SETD5: variants seen among roughly 807,000 people sequenced by gnomAD.
The protein encoded by SETD5 is SET domain containing 5, also known as histone-lysine N-methyltransferase SETD5.
SETD5 carries 44 observed loss-of-function variants against 153.3 expected under a neutral mutation model. The observed-to-expected ratio is 0.29, with a 90% CI of 0.23 to 0.37. The LOEUF is 0.37. Among genes scored for constraint, SETD5 ranks in the 10% least tolerant of loss-of-function variants. The pLI, the probability that SETD5 is intolerant of heterozygous loss-of-function variation, is 1.00. For synonymous variants in SETD5, 716 were observed against 645.2 expected (o/e 1.11, Z -1.66); for missense variants, 1,544 against 1,768.0 (o/e 0.87, Z 2.27).
intron 10 of SETD5, 194 bp from the exon 11 acceptor site, chr3:9,443,110 AAAGT>A: frequency 2.1e-6 from 1 of 473,616 alleles, no homozygotes; most frequent in Non-Finnish European, 3.8e-6. Flanking sequence ...CATATTTAAG[AAAGT>A]ATTATAAATT....
At chr3:9,444,211 G>T (rs2041657975) in intron 11 of SETD5, among the ~76,000 whole-genome samples, 1 of 152,164 alleles carries the variant, frequency 6.6e-6, no homozygotes. Flanking sequence ...ACCATAAAGG[G>T]CAATTCATAG....
Position 9,470,694 on chromosome 3 carries a change from A to G in SETD5, c.2960A>G (p.Tyr987Cys), listed in dbSNP as rs749465001. The G allele has an allele frequency of 9.9e-6, 16 of 1,613,550 alleles. No homozygotes were observed. Among genetic ancestry groups the G allele is most frequent in the Non-Finnish European group, 5.9e-6 (7 of 1,179,840 alleles). The change falls in exon 19 of 23, where the codon TAC (tyrosine) becomes TGC (cysteine). Residue 987 changes from tyrosine (Y) to cysteine (C), a missense_variant. Transcript: ENST00000402198. ...ACAGAGTTCAACTTGATGTATGCCT[A>G]CTCCCCTTTGAATGCTATGCCTCGA... Reference protein sequence around the residue: ...FRTEFNLMYAYSPLNAMPRAD... With the variant: ...FRTEFNLMYACSPLNAMPRAD...
Position 9,433,965 on chromosome 3 carries a change from G to GT in SETD5, c.177+18dup. ...TGCCTTATGCTGTGAGTATGCATTT[G>GT]TTTCTCTCCAGAACAGTGATCTTCC... On this transcript the variant is annotated intron_variant, in intron 4 of 22. Coordinates refer to ENST00000402198, the MANE Select transcript of SETD5 (RefSeq NM_001080517.3). The GT allele has an allele frequency of 1.2e-6, 2 of 1,613,592 alleles. No individual in the cohort carries two copies. Among genetic ancestry groups the GT allele is most frequent in the Non-Finnish European group, 1.7e-6 (2 of 1,179,614 alleles).
At chr3:9,474,333 C>T in intron 20 of SETD5, 116 bp from the exon 21 acceptor site, 1 of 1,215,190 alleles carries the variant, frequency 8.2e-7, no homozygotes. Context: ...TAAATTGGTT[C>T]TGAAGAAAGT....
At chr3:9,429,399 G>C in intron 3 of SETD5, 1 of 173,586 alleles carries the variant, frequency 5.8e-6, no homozygotes, top group Non-Finnish European at 1.2e-5. Context: ...CTCTTCCTAT[G>C]TACTTCCCAT....
At chr3:9,444,235 A>AT (rs2041662268) in intron 11 of SETD5, among the ~76,000 whole-genome samples, 1 of 152,176 alleles carries the variant, frequency 6.6e-6, no homozygotes, top group South Asian at 2.1e-4. Flanking sequence ...AATATGTGGG[A>AT]TTTTTTAAAG....
chr3:9,470,989 G>T (rs1326380082), intron 19 of SETD5, 60 bp downstream of exon 19: 14 of 883,638 alleles, frequency 1.6e-5, no homozygotes, highest in Non-Finnish European at 2.2e-5. Flanking sequence ...TAGTTTAGTA[G>T]ATATTCATAA....
chr3:9,413,779 T>C (rs2036991526), intron 1 of SETD5, among the ~76,000 whole-genome samples: 1 of 151,872 alleles, frequency 6.6e-6, no homozygotes, highest in Non-Finnish European at 1.5e-5. Context: ...GTTTTTGTTT[T>C]GTTTTGTTTT....
intron 1 of SETD5, among the ~76,000 whole-genome samples, chr3:9,415,550 G>A (rs986853352): frequency 6.6e-6 from 1 of 152,068 alleles, no homozygotes; most frequent in African/African-American, 2.4e-5. Flanking sequence ...GTTTGAGTTG[G>A]TCGTTGTCTT....
chr3:9,448,420 AG>A lies in SETD5; in HGVS notation c.2137del (p.Glu713ArgfsTer24). 1 of 1,614,010 alleles carries A rather than the reference AG, an allele frequency of 6.2e-7. No homozygotes were observed. Among genetic ancestry groups the A allele is most frequent in the Non-Finnish European group, 8.5e-7 (1 of 1,179,878 alleles). On this transcript the variant is annotated frameshift_variant, in exon 16 of 23. Coordinates refer to ENST00000402198, the MANE Select transcript of SETD5 (RefSeq NM_001080517.3). LOFTEE classifies it high-confidence loss of function. ...TTACAGAATGGTTGAATGACAAAGC[AG>A]AGAAGCAAGAGTGCCCTGTTGAGTG... ...LVTEWLNDKA[E>X]KQECPVECPL...
At chr3:9,398,775 A>G (rs2034210753) in intron 1 of SETD5, among the ~76,000 whole-genome samples, 1 of 152,130 alleles carries the variant, frequency 6.6e-6, no homozygotes, top group African/African-American at 2.4e-5. Flanking sequence ...CCCTGGTTCA[A>G]GTAGGTAAAT....
intron 18 of SETD5, among the ~76,000 whole-genome samples, chr3:9,466,975 G>A (rs771953234): frequency 6.6e-6 from 1 of 152,056 alleles, no homozygotes; most frequent in Non-Finnish European, 1.5e-5. Flanking sequence ...ACTGCAGTGA[G>A]CCATTATTGT....
chr3:9,402,196 C>A (rs551368996), intron 1 of SETD5, among the ~76,000 whole-genome samples: 5 of 152,018 alleles, frequency 3.3e-5, no homozygotes, highest in African/African-American at 1.2e-4. Context: ...AAAAGATACC[C>A]AGTAACTTTG....
At chr3:9,433,740 G>A (rs751575522) in intron 3 of SETD5, 105 bp from the exon 4 acceptor site, 23 of 1,152,224 alleles carry the variant, frequency 2.0e-5, no homozygotes, top group Non-Finnish European at 2.6e-5. Context: ...TATCCTAGTG[G>A]CTAGTGGTTG....
At position 9,441,916 on chromosome 3, in the gene SETD5, A is replaced by G. The variant is rs117485507; in HGVS notation, c.959+175A>G. Among the ~76,000 whole-genome samples, 111 of 152,340 alleles carry G rather than the reference A, an allele frequency of 7.3e-4. 1 individual carries two copies. The East Asian group carries it at 9.6e-3, about 13-fold the overall frequency. On this transcript the variant is annotated intron_variant, in intron 9 of 22. Coordinates refer to ENST00000402198, the MANE Select transcript of SETD5 (RefSeq NM_001080517.3). ...TGCAAGTAAATCTTCAAATTGTTCA[A>G]TGTATAAAATGGTGACACCTCCTTT... is the stretch of plus-strand genomic sequence containing the variant.
Position 9,475,506 on chromosome 3 carries a change from G to A in SETD5, c.3744G>A (p.Arg1248=). The A allele has an allele frequency of 1.9e-6, 3 of 1,613,332 alleles. No individual in the cohort carries two copies. Among genetic ancestry groups the A allele is most frequent in the South Asian group, 2.2e-5 (2 of 91,048 alleles). The change falls in exon 23 of 23, where the codon CGG becomes CGA. Residue 1248 remains arginine, a synonymous_variant. Coordinates refer to ENST00000402198, the MANE Select transcript of SETD5 (RefSeq NM_001080517.3). ...SYQLLQCDSP[R]TESQSLLQQS... is the part of the protein sequence containing the mutation. ...AGCTCCTGCAGTGTGATAGTCCTCG[G>A]ACAGAATCACAAAGCCTCCTTCAGC...
intron 18 of SETD5, 78 bp from the exon 19 acceptor site, chr3:9,470,381 C>G (rs1027576223): frequency 2.0e-5 from 20 of 1,021,220 alleles, no homozygotes; most frequent in African/African-American, 4.8e-5. Flanking sequence ...TCACCTGTGT[C>G]CCTCTCCCCT....
rs1184524132 is a variant in SETD5, at chr3:9,434,454, G to A, written c.298G>A (p.Asp100Asn). Residue 100 changes from aspartate (D) to asparagine (N), a missense_variant, in exon 5 of 23, where the codon GAT becomes AAT. This residue lies in a region of SETD5 where 251 missense variants were observed against 326.9 expected (regional missense o/e 0.77). Coordinates refer to ENST00000402198, the MANE Select transcript of SETD5 (RefSeq NM_001080517.3). This position sits in a 1 kb window ranked among gnomAD's most constrained non-coding sequence, Gnocchi z 5.6. Reference protein sequence around the residue: ...PTWCPCGLSQDGFLLNCDKCR... With the variant: ...PTWCPCGLSQNGFLLNCDKCR... Reference sequence around the variant, plus strand: ...CTGGTGTCCTTGTGGTCTTTCTCAGGATGGCTTCCTTCTCAACTGTGACAA... The same window carrying A: ...CTGGTGTCCTTGTGGTCTTTCTCAGAATGGCTTCCTTCTCAACTGTGACAA... 1.9e-6 allele frequency: 3 copies of A among 1,613,838 alleles called. No homozygotes were observed. Among genetic ancestry groups the A allele is most frequent in the African/African-American group, 1.3e-5 (1 of 74,898 alleles).
intron 17 of SETD5, among the ~76,000 whole-genome samples, chr3:9,460,524 C>T (rs57949682): frequency 0.07 from 10,470 of 150,598 alleles, 538 homozygotes; most frequent in Admixed American, 0.12. Flanking sequence ...AGAACTAGAA[C>T]AGAATAACTG....
Sources: gnomAD v4.1 joint callset for allele counts (sites outside exome capture counted in the v4.1 genomes callset) on GRCh38, gnomAD v4.1.1 for gene constraint, gnomAD v4.1.1 regional missense constraint, Gnocchi (gnomAD v3.1) non-coding constraint, MANE v1.5 for transcripts, NCBI Gene and HGNC (gene_info 2026-07-23, HGNC 2026-07-21) for gene names.